The following TSNARE1 variants were observed in gnomAD, a reference collection of about 807,000 sequenced individuals.
The protein encoded by TSNARE1 is t-SNARE domain-containing protein 1.
A neutral mutation model predicts 62.0 loss-of-function variants in TSNARE1; 49 were observed. The observed-to-expected ratio is 0.79, with a 90% confidence interval of 0.63 to 1.00. The LOEUF is 1.00. Among genes scored for constraint, TSNARE1 ranks in the 50% least tolerant of loss-of-function variants. The pLI is 0.00. For synonymous variants in TSNARE1, 328 were observed against 294.4 expected, an observed-to-expected ratio of 1.11 and a Z score of -1.17; for missense variants, 755 against 700.1, an observed-to-expected ratio of 1.08 and a Z score of -0.88.
intron 11 of TSNARE1, among the ~76,000 whole-genome samples, chr8:142,281,159 G>A (rs1168067859): frequency 1.3e-5 from 2 of 152,154 alleles, no homozygotes; most frequent in Non-Finnish European, 2.9e-5. Context: ...CATGGAGGGA[G>A]AATGAGTGGG....
At chr8:142,258,652 T>A (rs1563784818) in intron 12 of TSNARE1, among the ~76,000 whole-genome samples, 1 of 152,098 alleles carries the variant, frequency 6.6e-6, no homozygotes, top group Non-Finnish European at 1.5e-5. Flanking sequence ...TGGCTAATTT[T>A]TTTTGTAGTT....
At chr8:142,305,261 A>G (rs1826469818) in intron 9 of TSNARE1, among the ~76,000 whole-genome samples, 1 of 150,152 alleles carries the variant, frequency 6.7e-6, no homozygotes, top group African/African-American at 2.4e-5. Context: ...GCACCCATGG[A>G]GACCTGCCTC....
intron 10 of TSNARE1, among the ~76,000 whole-genome samples, chr8:142,292,556 G>A (rs1375617499): frequency 1.3e-5 from 2 of 152,150 alleles, no homozygotes; most frequent in African/African-American, 2.4e-5. Context: ...CACCGCCCCT[G>A]GAGAAGAGGC....
upstream of TSNARE1, chr8:142,403,897 C>T (rs928905024): frequency 6.6e-6 from 1 of 152,294 alleles, no homozygotes; most frequent in African/African-American, 2.4e-5. Context: ...AGACTCCAGC[C>T]CCTCGCTCTC....
chr8:142,226,751 C>T (rs578013579), intron 13 of TSNARE1, among the ~76,000 whole-genome samples: 2 of 152,256 alleles, frequency 1.3e-5, no homozygotes, highest in African/African-American at 4.8e-5. Flanking sequence ...AAGACCACAG[C>T]AGTTCCCGGC....
chr8:142,264,972 C>T lies in TSNARE1; in HGVS notation c.1446+9809G>A, dbSNP rs570290909. On this transcript the variant is annotated intron_variant, in intron 12 of 13. Coordinates refer to ENST00000524325, the MANE Select transcript of TSNARE1 (RefSeq NM_145003.5). ...TTCTGTGTTATCTGCTTCTCCTTTTCTTTTTGTTGCATTTTTTGCCTTCTC... is the reference window on the plus strand; with the variant it reads ...TTCTGTGTTATCTGCTTCTCCTTTTTTTTTTGTTGCATTTTTTGCCTTCTC... Among the ~76,000 whole-genome samples, 4 of 152,272 alleles carry T rather than the reference C, an allele frequency of 2.6e-5. No homozygotes were observed. The South Asian group carries it at 8.3e-4, about 32-fold the overall frequency.
At chr8:142,252,519 G>A (rs1346589467) in intron 12 of TSNARE1, among the ~76,000 whole-genome samples, 3 of 152,224 alleles carry the variant, frequency 2.0e-5, no homozygotes, top group Admixed American at 6.5e-5. Context: ...TGTGCCCAGC[G>A]CCCCAGCAGG....
intron 4 of TSNARE1, among the ~76,000 whole-genome samples, chr8:142,338,940 T>C (rs1832154433): frequency 6.6e-6 from 1 of 152,106 alleles, no homozygotes; most frequent in Admixed American, 6.5e-5. Context: ...GTGAGATGCC[T>C]TGGCCCTGCT....
intron 4 of TSNARE1, among the ~76,000 whole-genome samples, chr8:142,343,439 GGT>G (rs912662610): frequency 1.3e-5 from 2 of 151,832 alleles, no homozygotes; most frequent in African/African-American, 4.8e-5. Flanking sequence ...CCTGATTCTC[GGT>G]GTGTGTGTCT....
intron 12 of TSNARE1, among the ~76,000 whole-genome samples, chr8:142,267,427 C>T (rs1819193509): frequency 6.6e-6 from 1 of 152,182 alleles, no homozygotes; most frequent in Non-Finnish European, 1.5e-5. Context: ...GATGAGGCAC[C>T]TGAAAACTGT....
chr8:142,250,115 G>A (rs564961327), intron 12 of TSNARE1, among the ~76,000 whole-genome samples: 8 of 152,266 alleles, frequency 5.3e-5, no homozygotes, highest in Admixed American at 1.3e-4. Flanking sequence ...GGCCGGCAGC[G>A]CAGCAGTGTG....
intron 11 of TSNARE1, chr8:142,277,081 C>T: frequency 1.0e-6 from 1 of 985,356 alleles, no homozygotes; most frequent in Non-Finnish European, 1.2e-6. Context: ...TCCAATACCT[C>T]ATCAGCCATC....
chr8:142,271,656 G>A, intron 12 of TSNARE1: 2 of 1,397,326 alleles, frequency 1.4e-6, no homozygotes, highest in Admixed American at 3.2e-5. Context: ...CTCAGGGGCA[G>A]CCACAAGCAG....
intron 1 of TSNARE1, among the ~76,000 whole-genome samples, chr8:142,367,908 C>T (rs1835669610): frequency 6.6e-6 from 1 of 152,106 alleles, no homozygotes; most frequent in African/African-American, 2.4e-5. Context: ...TGGTTCATAC[C>T]TCACATAATA....
intron 6 of TSNARE1, among the ~76,000 whole-genome samples, chr8:142,329,463 G>A (rs1009262395): frequency 2.0e-5 from 3 of 152,298 alleles, no homozygotes; most frequent in East Asian, 3.9e-4. Flanking sequence ...CCTGGCCCTC[G>A]TGACCTAACC....
intron 6 of TSNARE1, among the ~76,000 whole-genome samples, chr8:142,322,477 C>T (rs1319054533): frequency 6.6e-6 from 1 of 152,194 alleles, no homozygotes; most frequent in Non-Finnish European, 1.5e-5. Flanking sequence ...GTAAAACTGT[C>T]TTCAGTCATA....
intron 1 of TSNARE1, among the ~76,000 whole-genome samples, chr8:142,375,177 AG>A (rs1345895867): frequency 2.0e-5 from 3 of 152,266 alleles, no homozygotes; most frequent in Non-Finnish European, 4.4e-5. Flanking sequence ...GGGTACAGCA[AG>A]GGACAAGCCA....
At chr8:142,244,786 G>A (rs541238667) in intron 12 of TSNARE1, among the ~76,000 whole-genome samples, 26 of 152,346 alleles carry the variant, frequency 1.7e-4, no homozygotes, top group African/African-American at 3.1e-4. Context: ...CCCACAGAGC[G>A]GAAAGGGAGG....
intron 13 of TSNARE1, among the ~76,000 whole-genome samples, chr8:142,215,480 G>A (rs755699542): frequency 6.6e-6 from 1 of 152,116 alleles, no homozygotes; most frequent in Non-Finnish European, 1.5e-5. Context: ...CCCCAAGATT[G>A]GGAACTGGGT....
Sources: gnomAD v4.1 joint callset for allele counts (sites outside exome capture counted in the v4.1 genomes callset) on GRCh38, gnomAD v4.1.1 for gene constraint, MANE v1.5 for transcripts, NCBI Gene and HGNC (gene_info 2026-07-23, HGNC 2026-07-21) for gene names.